Variants in TTC6 observed in about 807,000 individuals in gnomAD.
TTC6 encodes the protein tetratricopeptide repeat protein 6.
In TTC6, 172 loss-of-function variants were observed where a neutral mutation model predicts 210.4. The observed-to-expected ratio is 0.82, with a 90% CI of 0.72 to 0.93. The LOEUF (loss-of-function observed/expected upper bound fraction) is 0.93. TTC6 is among the 40% of genes least tolerant of loss of function. The pLI is 0.00. For missense variants in TTC6, 2,414 were observed against 2,318.1 expected (o/e 1.04, Z -0.85); for synonymous variants, 804 against 819.6 (o/e 0.98, Z 0.32).
intron 3 of TTC6, among the ~76,000 whole-genome samples, chr14:37,684,652 A>T (rs1234205174): frequency 6.6e-6 from 1 of 152,178 alleles, no homozygotes; most frequent in Non-Finnish European, 1.5e-5. Flanking sequence ...ATAGCACTGA[A>T]CTATTCCCAC....
Position 37,819,777 on chromosome 14 carries a change from T to G in TTC6, c.4763+2126T>G, listed in dbSNP as rs546359014. On this transcript the variant is annotated intron_variant, in intron 26 of 30. Transcript: ENST00000553443. ...TTTGGGAGGGGATTTGTGATTTATT[T>G]GTACAACTCAGTAGGGCACATCTGG... Among the ~76,000 whole-genome samples, 3 of 152,324 alleles carry G rather than the reference T, an allele frequency of 2.0e-5. No individual in the cohort carries two copies. The East Asian group carries it at 5.8e-4, about 29-fold the overall frequency.
At chr14:37,670,103 A>G (rs992192301) in intron 1 of TTC6, among the ~76,000 whole-genome samples, 7 of 152,202 alleles carry the variant, frequency 4.6e-5, no homozygotes, top group African/African-American at 1.7e-4. Context: ...CCTAAAATAT[A>G]AACATAGGTT....
chr14:37,825,542 A>G (rs2096168923), intron 27 of TTC6, among the ~76,000 whole-genome samples: 1 of 152,094 alleles, frequency 6.6e-6, no homozygotes, highest in African/African-American at 2.4e-5. Context: ...CTGTGGAGGC[A>G]TTTAGTTGCC....
chr14:37,630,907 G>GTTTTTTTTTTTGTTTTTTT (rs2095668331), intron 1 of TTC6, among the ~76,000 whole-genome samples: 4 of 33,064 alleles, frequency 1.2e-4, no homozygotes, highest in Non-Finnish European at 1.5e-4. Flanking sequence ...GGCAACCCCT[G>GTTTTTTTTTTTGTTTTTTT]TTTTTTTTTT....
At chr14:37,728,075 G>A (rs1319967322) in intron 7 of TTC6, among the ~76,000 whole-genome samples, 2 of 152,066 alleles carry the variant, frequency 1.3e-5, no homozygotes, top group African/African-American at 4.8e-5. Context: ...ACCTCATGAA[G>A]TCTCAGTTTT....
At chr14:37,647,632 G>A (rs2095703949) in intron 1 of TTC6, among the ~76,000 whole-genome samples, 2 of 152,074 alleles carry the variant, frequency 1.3e-5, no homozygotes, top group Admixed American at 1.3e-4. Flanking sequence ...ACTTCCAAGT[G>A]GAGATATCAA....
intron 5 of TTC6, 110 bp downstream of exon 7, chr14:37,701,636 G>C: frequency 9.6e-7 from 1 of 1,043,898 alleles, no homozygotes. Flanking sequence ...GGACACTAAA[G>C]AGGAGGGAGC....
At chr14:37,712,463 G>A (rs138705383) in intron 5 of TTC6, among the ~76,000 whole-genome samples, 3 of 152,158 alleles carry the variant, frequency 2.0e-5, no homozygotes, top group African/African-American at 7.2e-5. Context: ...ATTCAGCTTC[G>A]GAAAACAGAA....
chr14:37,762,765 T>C (rs1371688737), intron 14 of TTC6, among the ~76,000 whole-genome samples: 1 of 152,216 alleles, frequency 6.6e-6, no homozygotes, highest in Non-Finnish European at 1.5e-5. Flanking sequence ...TTTCATTCAA[T>C]TTATGTGGTA....
chr14:37,801,097 T>C (rs1232337700), intron 20 of TTC6, among the ~76,000 whole-genome samples: 1 of 152,204 alleles, frequency 6.6e-6, no homozygotes, highest in Non-Finnish European at 1.5e-5. Context: ...CATTTTCCCC[T>C]TTTTAAACCA....
At chr14:37,773,686 A>G (rs1056003205) in intron 14 of TTC6, among the ~76,000 whole-genome samples, 1 of 152,134 alleles carries the variant, frequency 6.6e-6, no homozygotes, top group African/African-American at 2.4e-5. Context: ...CAAAATGGGT[A>G]ATGTAATGCC....
At chr14:37,792,045 C>G (rs561740238) in intron 16 of TTC6, among the ~76,000 whole-genome samples, 1 of 152,076 alleles carries the variant, frequency 6.6e-6, no homozygotes, top group East Asian at 1.9e-4. Flanking sequence ...CTGTTCCTAG[C>G]GCAGACCTTA....
intron 14 of TTC6, among the ~76,000 whole-genome samples, chr14:37,783,744 T>C (rs1431186477): frequency 6.7e-6 from 1 of 149,236 alleles, no homozygotes; most frequent in East Asian, 2.1e-4. Flanking sequence ...TTTAGATCTT[T>C]CCTGCTTTCT....
chr14:37,795,159 T>A, intron 17 of TTC6, 111 bp from the exon 20 acceptor site: 1 of 581,826 alleles, frequency 1.7e-6, no homozygotes, highest in Non-Finnish European at 2.9e-6. Context: ...AAAACATGTA[T>A]GTTAGGAGAT....
At chr14:37,622,932 C>G (rs974260564) in exon 1 of TTC6, 62 of 1,533,238 alleles carry the variant, frequency 4.0e-5, no homozygotes, top group African/African-American at 1.1e-4. Flanking sequence ...CGAGGCCCAG[C>G]TGGCCTCCGA....
At chr14:37,681,241 C>G (rs1469549983) in intron 2 of TTC6, among the ~76,000 whole-genome samples, 1 of 152,160 alleles carries the variant, frequency 6.6e-6, no homozygotes, top group East Asian at 1.9e-4. Context: ...ATCAAAACTT[C>G]TGACCTCGAC....
intron 1 of TTC6, among the ~76,000 whole-genome samples, chr14:37,634,992 G>T (rs532895267): frequency 6.6e-6 from 1 of 152,116 alleles, no homozygotes; most frequent in African/African-American, 2.4e-5. Flanking sequence ...AAACAGAAAA[G>T]ATTAGAAAAA....
At chr14:37,806,285 A>G in intron 21 of TTC6, 76 bp from the exon 24 acceptor site, 6 of 1,351,612 alleles carry the variant, frequency 4.4e-6, no homozygotes, top group South Asian at 1.5e-5. Context: ...ATAATTATAT[A>G]CTGTAATTCG....
chr14:37,820,917 T>TCTCCTCCTTCTTCTC (rs1162922567), intron 26 of TTC6, among the ~76,000 whole-genome samples: 7 of 143,798 alleles, frequency 4.9e-5, no homozygotes, highest in South Asian at 2.2e-4. Flanking sequence ...TCCTCCTCCT[T>TCTCCTCCTTCTTCTC]CTCCTCCTTC....
Sources: gnomAD v4.1 joint callset for allele counts (sites outside exome capture counted in the v4.1 genomes callset) on GRCh38, gnomAD v4.1.1 for gene constraint, MANE v1.5 for transcripts, NCBI Gene and HGNC (gene_info 2026-07-23, HGNC 2026-07-21) for gene names.